PCDHA1: variants seen among roughly 807,000 people sequenced by gnomAD.
The protein encoded by PCDHA1 is protocadherin alpha-1.
A neutral mutation model predicts 61.3 loss-of-function variants in PCDHA1; 42 were observed. The observed-to-expected ratio is 0.69, with a 90% CI of 0.54 to 0.89. PCDHA1 has a LOEUF of 0.89. Ranked by LOEUF, PCDHA1 falls within the 40% of genes least tolerant of loss-of-function variation. PCDHA1 has a pLI of 0.00. For missense variants in PCDHA1, 1,256 were observed against 1,235.3 expected (o/e 1.02, Z -0.25); for synonymous variants, 610 against 553.8 (o/e 1.10, Z -1.43).
chr5:140,881,369 T>C (rs2058687376), intron 1 of PCDHA1: 2 of 985,186 alleles, frequency 2.0e-6, no homozygotes, highest in Non-Finnish European at 2.4e-6. Flanking sequence ...TTCGTATGAA[T>C]TGCAGCCGGC....
At chr5:141,008,751 AG>A (rs1234240078) in intron 3 of PCDHA1, among the ~76,000 whole-genome samples, 11 of 152,244 alleles carry the variant, frequency 7.2e-5, no homozygotes, top group African/African-American at 2.2e-4. Context: ...CACTGAGGGA[AG>A]GAATTTGGCT....
At chr5:140,953,554 A>C (rs1554220985) in intron 1 of PCDHA1, among the ~76,000 whole-genome samples, 2 of 152,044 alleles carry the variant, frequency 1.3e-5, no homozygotes, top group Non-Finnish European at 2.9e-5. Flanking sequence ...TCTTTTCTCC[A>C]AGTTTTAGTG....
At chr5:140,971,987 G>A (rs1246433962) in intron 1 of PCDHA1, among the ~76,000 whole-genome samples, 1 of 152,086 alleles carries the variant, frequency 6.6e-6, no homozygotes, top group Non-Finnish European at 1.5e-5. Context: ...GTAGACAGAA[G>A]TTCCAATGTT....
rs2150355650 is a variant in PCDHA1 at position 140,843,239 on chromosome 5, G to A, written c.2394+54555G>A. 1.4e-4 allele frequency: 219 copies of A among 1,595,896 alleles called. 23 individuals carry two copies. Among genetic ancestry groups the A allele is most frequent in the Non-Finnish European group, 1.8e-4 (209 of 1,165,556 alleles). On this transcript the variant is annotated intron_variant, in intron 1 of 3. Coordinates refer to ENST00000504120, the MANE Select transcript of PCDHA1 (RefSeq NM_018900.4). ...CAGCACCACTCGTGTCCTGGACGAA[G>A]CGGACTCTCCGCGCCACCGTCTGCT... is the stretch of plus-strand genomic sequence containing the variant.
chr5:140,808,811 G>T, intron 1 of PCDHA1: 1 of 1,612,772 alleles, frequency 6.2e-7, no homozygotes, highest in African/African-American at 1.3e-5. Context: ...CGATGCCGGC[G>T]TGCCACCTCT....
intron 1 of PCDHA1, among the ~76,000 whole-genome samples, chr5:140,910,884 T>C (rs748501328): frequency 3.3e-5 from 5 of 152,254 alleles, no homozygotes; most frequent in Non-Finnish European, 7.3e-5. Flanking sequence ...ACCCTTAATA[T>C]CCATTCCTAT....
In PCDHA1 at chr5:140,883,674, C is replaced by A. The variant is rs782029001; in HGVS notation, c.2394+94990C>A. The A allele has an allele frequency of 4.3e-5, 70 of 1,613,620 alleles. No homozygotes were observed. The highest frequency in any genetic ancestry group is 5.8e-5 in the Non-Finnish European group (69 of 1,179,878). On this transcript the variant is annotated intron_variant, in intron 1 of 3. Transcript: ENST00000504120. ...ACGGTGTTCGTGAAGGAAAACAATC[C>A]GCCGGGCTGCCACATCTTCACGGTG...
At chr5:141,000,395 CTATATATA>C (rs1190667031) in intron 3 of PCDHA1, among the ~76,000 whole-genome samples, 7 of 53,980 alleles carry the variant, frequency 1.3e-4, no homozygotes, top group South Asian at 8.9e-4. Flanking sequence ...CTCTCTCTCT[CTATATATA>C]TATATATATA....
intron 1 of PCDHA1, chr5:140,870,758 T>C: frequency 1.2e-6 from 2 of 1,613,530 alleles, no homozygotes; most frequent in African/African-American, 2.7e-5. Flanking sequence ...ACGCTGCAGG[T>C]GTTCGTGCTG....
chr5:141,003,001 C>T (rs1403843420), intron 3 of PCDHA1, among the ~76,000 whole-genome samples: 3 of 152,182 alleles, frequency 2.0e-5, no homozygotes, highest in Admixed American at 1.3e-4. Flanking sequence ...AGTTTATGTT[C>T]TATTAGGGAA....
At chr5:140,912,648 A>G (rs1161381718) in intron 1 of PCDHA1, among the ~76,000 whole-genome samples, 1 of 152,164 alleles carries the variant, frequency 6.6e-6, no homozygotes, top group African/African-American at 2.4e-5. Flanking sequence ...TATGTTGAAT[A>G]GAAGTGGTGA....
intron 1 of PCDHA1, among the ~76,000 whole-genome samples, chr5:140,878,533 CA>C (rs2057632489): frequency 6.6e-6 from 1 of 152,156 alleles, no homozygotes; most frequent in Admixed American, 6.5e-5. Context: ...AACTGTGGCT[CA>C]AACCAGTTTC....
chr5:140,971,970 A>C (rs2096510217), intron 1 of PCDHA1, among the ~76,000 whole-genome samples: 1 of 152,130 alleles, frequency 6.6e-6, no homozygotes, highest in Non-Finnish European at 1.5e-5. Flanking sequence ...TTTTTTCAAT[A>C]CTATGAGTAG....
chr5:140,869,484 C>A, intron 1 of PCDHA1: 2 of 1,613,948 alleles, frequency 1.2e-6, no homozygotes, highest in Non-Finnish European at 1.7e-6. Flanking sequence ...AGGACATTAA[C>A]GACAACCCGC....
intron 1 of PCDHA1, chr5:140,796,750 G>T (rs1554120081): frequency 3.7e-6 from 6 of 1,614,146 alleles, no homozygotes; most frequent in East Asian, 2.2e-5. Flanking sequence ...GAAGGTGCGC[G>T]CAGTGGACGC....
At chr5:140,993,462 T>TCACA (rs3836747) in intron 3 of PCDHA1, among the ~76,000 whole-genome samples, 8,584 of 140,952 alleles carry the variant, frequency 0.061, 300 homozygotes, top group Admixed American at 0.12. Flanking sequence ...TCTTTCTTTC[T>TCACA]CACACACACA....
In PCDHA1 at chr5:140,919,389, T is replaced by C. The variant is rs1042186256; in HGVS notation, c.2395-59560T>C. 3.9e-5 allele frequency among the ~76,000 whole-genome samples: 6 copies of C among 152,360 alleles called. No homozygotes were observed. The East Asian group carries it at 1.2e-3, about 29-fold the overall frequency. ...CTGCAGACAACACATAGTTGGATGTTGTTTTCCTAAAAACTCTAGACTGAC... is the reference window on the plus strand; with the variant it reads ...CTGCAGACAACACATAGTTGGATGTCGTTTTCCTAAAAACTCTAGACTGAC... On this transcript the variant is annotated intron_variant, in intron 1 of 3. Coordinates refer to ENST00000504120, the MANE Select transcript of PCDHA1 (RefSeq NM_018900.4).
intron 1 of PCDHA1, chr5:140,835,898 G>A (rs2150247809): frequency 6.2e-7 from 1 of 1,611,962 alleles, no homozygotes; most frequent in African/African-American, 1.3e-5. Flanking sequence ...GCGCGCTGTC[G>A]AGCTACGTGT....
chr5:140,952,081 A>G (rs1554220214), intron 1 of PCDHA1, among the ~76,000 whole-genome samples: 3 of 152,064 alleles, frequency 2.0e-5, no homozygotes. Flanking sequence ...CATTGACTCC[A>G]TGTCTCACAT....
Sources: gnomAD v4.1 joint callset for allele counts (sites outside exome capture counted in the v4.1 genomes callset) on GRCh38, gnomAD v4.1.1 for gene constraint, MANE v1.5 for transcripts, NCBI Gene and HGNC (gene_info 2026-07-23, HGNC 2026-07-21) for gene names.